Variants in SGCZ observed in about 807,000 individuals in gnomAD.
The protein encoded by SGCZ is zeta-sarcoglycan.
Under a neutral mutation model 41.3 loss-of-function variants are expected in SGCZ, and 40 were observed. The observed-to-expected ratio is 0.97, with a 90% CI of 0.75 to 1.26. SGCZ has a LOEUF of 1.26. SGCZ is among the 50% of genes most tolerant of loss of function. The pLI, the probability that SGCZ is intolerant of heterozygous loss-of-function variation, is 0.00. For missense variants in SGCZ, 552 were observed against 369.8 expected (o/e 1.49, Z -4.04); for synonymous variants, 206 against 137.5 (o/e 1.50, Z -3.49).
intron 4 of SGCZ, among the ~76,000 whole-genome samples, chr8:14,225,396 T>G (rs1304111868): frequency 6.6e-6 from 1 of 152,116 alleles, no homozygotes; most frequent in Non-Finnish European, 1.5e-5. Context: ...ATATTAGTGT[T>G]GAAAATACAC....
chr8:14,885,932 A>T (rs542376985), intron 1 of SGCZ, among the ~76,000 whole-genome samples: 296 of 140,036 alleles, frequency 2.1e-3, no homozygotes, highest in Non-Finnish European at 3.5e-3. Flanking sequence ...ATCTGTTAGA[A>T]ATTTAGCATA....
intron 1 of SGCZ, among the ~76,000 whole-genome samples, chr8:14,595,585 G>C (rs1188601305): frequency 6.6e-6 from 1 of 152,130 alleles, no homozygotes; most frequent in Non-Finnish European, 1.5e-5. Context: ...CTAGCAGCTG[G>C]CTAACCTTGA....
rs185137821 is a variant in SGCZ at position 14,851,193 on chromosome 8, C to T, written c.40-296267G>A. Among the ~76,000 whole-genome samples, 680 of 151,780 alleles carry T rather than the reference C, an allele frequency of 4.5e-3. 5 individuals carry two copies. Among genetic ancestry groups the T allele is most frequent in the South Asian group, 0.018 (88 of 4,808 alleles). ...GGCCATCCTGGCTAACATAGTGAAACGCTGTCTTTACTAAAAATACAAAAA... is the reference window on the plus strand; with the variant it reads ...GGCCATCCTGGCTAACATAGTGAAATGCTGTCTTTACTAAAAATACAAAAA... On this transcript the variant is annotated intron_variant, in intron 1 of 7. Transcript: ENST00000382080.
intron 1 of SGCZ, among the ~76,000 whole-genome samples, chr8:14,605,721 T>A (rs1805727905): frequency 6.6e-6 from 1 of 152,202 alleles, no homozygotes; most frequent in Non-Finnish European, 1.5e-5. Context: ...ACTTCTTATT[T>A]GCAGATATAG....
At chr8:14,250,547 T>C (rs887624705) in intron 3 of SGCZ, among the ~76,000 whole-genome samples, 2 of 152,162 alleles carry the variant, frequency 1.3e-5, no homozygotes, top group Non-Finnish European at 2.9e-5. Flanking sequence ...CCTCCCCACC[T>C]GAGGTCCTAG....
chr8:14,219,982 G>C (rs1338343121), intron 4 of SGCZ, among the ~76,000 whole-genome samples: 1 of 152,184 alleles, frequency 6.6e-6, no homozygotes, highest in East Asian at 1.9e-4. Flanking sequence ...TGACAAAAAT[G>C]TGTTGATTGT....
chr8:14,952,793 C>G (rs937438653), intron 1 of SGCZ, among the ~76,000 whole-genome samples: 32 of 152,130 alleles, frequency 2.1e-4, no homozygotes, highest in Non-Finnish European at 4.4e-4. Flanking sequence ...AAAGACAGAG[C>G]TTTTAGTAGA....
intron 1 of SGCZ, among the ~76,000 whole-genome samples, chr8:14,791,009 C>A (rs1374210904): frequency 1.4e-5 from 2 of 141,550 alleles, no homozygotes; most frequent in African/African-American, 2.7e-5. Flanking sequence ...CAAGCCTGGG[C>A]AACAGAGTGA....
chr8:14,616,656 G>C (rs1397294), intron 1 of SGCZ, among the ~76,000 whole-genome samples: 92,064 of 151,888 alleles, frequency 0.61, 28,107 homozygotes, highest in East Asian at 0.72. Context: ...TTTAAAAAGA[G>C]AGACCGGAAA....
chr8:15,137,340 A>T (rs1238701603), intron 1 of SGCZ, among the ~76,000 whole-genome samples: 1 of 152,226 alleles, frequency 6.6e-6, no homozygotes, highest in East Asian at 1.9e-4. Flanking sequence ...AATGCAATAA[A>T]AAAGAAAACC....
chr8:14,609,456 G>C lies in SGCZ; in HGVS notation c.40-54530C>G, dbSNP rs1805857776. On this transcript the variant is annotated intron_variant, in intron 1 of 7. Transcript: ENST00000382080. The stretch of plus-strand genomic sequence containing the variant: ...TGTTAGGCAAGTAATATAATTTCTT[G>C]AAAAAAAGTCTTAATTAAATTAGAC... Among the ~76,000 whole-genome samples the C allele has an allele frequency of 2.6e-5, 4 of 152,034 alleles. No individual in the cohort carries two copies. In the South Asian group the frequency reaches 8.3e-4, roughly 32 times the overall value.
intron 2 of SGCZ, among the ~76,000 whole-genome samples, chr8:14,395,491 C>T (rs1453236315): frequency 6.6e-6 from 1 of 152,126 alleles, no homozygotes; most frequent in Non-Finnish European, 1.5e-5. Context: ...GCAGAATACA[C>T]TTGGGCTAAT....
intron 1 of SGCZ, among the ~76,000 whole-genome samples, chr8:14,754,135 G>A (rs1014064002): frequency 6.6e-6 from 1 of 152,138 alleles, no homozygotes; most frequent in Admixed American, 6.5e-5. Flanking sequence ...TGTCCTTGAT[G>A]TTGACATATA....
chr8:15,144,851 C>G (rs1035702257), intron 1 of SGCZ, among the ~76,000 whole-genome samples: 1 of 152,158 alleles, frequency 6.6e-6, no homozygotes, highest in Non-Finnish European at 1.5e-5. Context: ...TAATTTTTTC[C>G]TATCATTTTC....
At chr8:14,613,357 C>G (rs1334940909) in intron 1 of SGCZ, among the ~76,000 whole-genome samples, 1 of 152,054 alleles carries the variant, frequency 6.6e-6, no homozygotes, top group Admixed American at 6.5e-5. Context: ...ACGATTGGAA[C>G]CATTTTTAGG....
chr8:14,764,727 T>C (rs11781481), intron 1 of SGCZ, among the ~76,000 whole-genome samples: 53,832 of 151,996 alleles, frequency 0.35, 11,670 homozygotes, highest in East Asian at 0.51. Flanking sequence ...CTGGACCAAA[T>C]CAAGAAGAAT....
intron 3 of SGCZ, among the ~76,000 whole-genome samples, chr8:14,308,560 T>A (rs1801420447): frequency 6.6e-6 from 1 of 152,002 alleles, no homozygotes. Context: ...CCCTGGCCTT[T>A]ATACTGCTTG....
In SGCZ at chr8:14,223,054, C is replaced by T. The variant is rs1232044232; in HGVS notation, c.424+14538G>A. Among the ~76,000 whole-genome samples the T allele has an allele frequency of 3.3e-5, 5 of 152,152 alleles. No individual in the cohort carries two copies. The East Asian group carries it at 9.7e-4, about 30-fold the overall frequency. On this transcript the variant is annotated intron_variant, in intron 4 of 7. Transcript: ENST00000382080. ...CTCGAACTTCTGATCTCATGATCCA[C>T]CTACCTCGGCCTCCCAAAGTGCTGG...
intron 1 of SGCZ, among the ~76,000 whole-genome samples, chr8:14,941,590 A>G (rs1360221532): frequency 6.6e-6 from 1 of 152,038 alleles, no homozygotes; most frequent in Non-Finnish European, 1.5e-5. Flanking sequence ...TACATATAAC[A>G]TATTACATAT....
Sources: gnomAD v4.1 joint callset for allele counts (sites outside exome capture counted in the v4.1 genomes callset) on GRCh38, gnomAD v4.1.1 for gene constraint, MANE v1.5 for transcripts, NCBI Gene and HGNC (gene_info 2026-07-23, HGNC 2026-07-21) for gene names.